Variants in PTGFRN observed in about 807,000 individuals in gnomAD.
The protein encoded by PTGFRN is prostaglandin F2 receptor inhibitor, also known as prostaglandin F2 receptor negative regulator.
A neutral mutation model predicts 83.2 loss-of-function variants in PTGFRN; 35 were observed. The ratio of observed to expected loss-of-function variants is 0.42; its 90% CI spans 0.32 to 0.56. PTGFRN has a LOEUF of 0.56. Ranked by LOEUF, PTGFRN falls within the 20% of genes least tolerant of loss-of-function variation. The pLI is 0.11. For synonymous variants in PTGFRN, 519 were observed against 498.6 expected (o/e 1.04, Z -0.55); for missense variants, 1,051 against 1,179.5 (o/e 0.89, Z 1.60).
intron 1 of PTGFRN, among the ~76,000 whole-genome samples, chr1:116,917,188 A>G (rs1649425734): frequency 6.6e-6 from 1 of 152,134 alleles, no homozygotes; most frequent in Non-Finnish European, 1.5e-5. Context: ...GAACTTGAGA[A>G]GTGGGTGGGG....
chr1:116,939,330 C>T (rs1650005778), intron 1 of PTGFRN, among the ~76,000 whole-genome samples: 1 of 152,244 alleles, frequency 6.6e-6, no homozygotes, highest in Non-Finnish European at 1.5e-5. Flanking sequence ...TGTTTCCATA[C>T]ATCTGAAATA....
intron 1 of PTGFRN, among the ~76,000 whole-genome samples, chr1:116,920,072 A>G (rs567974766): frequency 3.9e-5 from 6 of 152,316 alleles, no homozygotes; most frequent in African/African-American, 9.6e-5. Flanking sequence ...AGCACTCCTT[A>G]TAATCCTGCA....
chr1:116,963,751 G>C (rs945760140), intron 5 of PTGFRN, among the ~76,000 whole-genome samples: 11 of 151,748 alleles, frequency 7.2e-5, no homozygotes, highest in African/African-American at 2.4e-4. Flanking sequence ...GGGACTGCGG[G>C]TGCTCACCAC....
At chr1:116,985,032 TTG>T in intron 8 of PTGFRN, 47 bp downstream of exon 8, 2 of 1,573,600 alleles carry the variant, frequency 1.3e-6, no homozygotes, top group African/African-American at 2.7e-5. Flanking sequence ...TGTCTTCTTC[TTG>T]TGCCAGGCTG....
At position 116,987,046 on chromosome 1, in the gene PTGFRN, A is replaced by C; in HGVS notation, c.*79A>C. The C allele has an allele frequency of 6.5e-7, 1 of 1,549,012 alleles. No individual in the cohort carries two copies. Among genetic ancestry groups the C allele is most frequent in the Non-Finnish European group, 8.8e-7 (1 of 1,135,166 alleles). On this transcript the variant is annotated 3_prime_UTR_variant, in exon 9 of 9. Coordinates refer to ENST00000393203, the MANE Select transcript of PTGFRN (RefSeq NM_020440.4). ...AAGAGGACAGTGATATTTTAAAACA[A>C]AGTGTGTTACACTAAAAACCAGTCC...
intron 7 of PTGFRN, among the ~76,000 whole-genome samples, chr1:116,975,506 G>C (rs1651120255): frequency 6.6e-6 from 1 of 152,160 alleles, no homozygotes; most frequent in South Asian, 2.1e-4. Flanking sequence ...CACATGGCCG[G>C]GTACCCCTCT....
At chr1:116,934,458 CT>C (rs1649871522) in intron 1 of PTGFRN, among the ~76,000 whole-genome samples, 1 of 152,130 alleles carries the variant, frequency 6.6e-6, no homozygotes, top group Admixed American at 6.5e-5. Context: ...CTGACTTCTT[CT>C]GTGCTGCATC....
intron 5 of PTGFRN, among the ~76,000 whole-genome samples, chr1:116,966,496 GCAAATGGTATGGC>G (rs1557745870): frequency 6.6e-6 from 1 of 152,228 alleles, no homozygotes; most frequent in African/African-American, 2.4e-5. Flanking sequence ...GGGAGGAGAG[GCAAATGGTATGGC>G]CAGGAGCCTG....
chr1:116,983,968 C>G (rs980010188), intron 7 of PTGFRN, among the ~76,000 whole-genome samples: 3 of 152,158 alleles, frequency 2.0e-5, no homozygotes, highest in Non-Finnish European at 1.5e-5. Context: ...TCTTCTTTCT[C>G]TTATGCCCAT....
At position 116,944,762 on chromosome 1, in the gene PTGFRN, C is replaced by T. The variant is rs752605918; in HGVS notation, c.502C>T (p.Arg168Cys). 1.9e-6 allele frequency: 3 copies of T among 1,551,300 alleles called. No individual in the cohort carries two copies. The highest frequency in any genetic ancestry group is 2.4e-5 in the South Asian group (2 of 83,546). ...SLREGEPFELRCTAASASPLH... is the reference protein window; with the variant it reads ...SLREGEPFELCCTAASASPLH... ...GCGGGAGGGGGAGCCCTTCGAGCTG[C>T]GCTGCACCGCCGCCTCCGCCTCGCC... Residue 168 changes from arginine (R) to cysteine (C), a missense_variant, in exon 3 of 9, where the codon CGC becomes TGC. By Grantham distance (180) the Arg-to-Cys change is radical. Around this residue, in one of 3 missense-constraint regions of PTGFRN, gnomAD observed 205 missense variants for 174.5 expected, o/e 1.17. Transcript: ENST00000393203.
chr1:116,932,172 A>G (rs1649817976), intron 1 of PTGFRN, among the ~76,000 whole-genome samples: 1 of 152,254 alleles, frequency 6.6e-6, no homozygotes, highest in South Asian at 2.1e-4. Context: ...TTTCCCATGG[A>G]TATCAGAAGG....
chr1:116,951,878 A>G (rs1244027000), intron 4 of PTGFRN, among the ~76,000 whole-genome samples: 1 of 152,200 alleles, frequency 6.6e-6, no homozygotes, highest in Non-Finnish European at 1.5e-5. Flanking sequence ...GTATATGCGT[A>G]CGGATACCAT....
chr1:116,970,568 T>A (rs1346407211), intron 6 of PTGFRN, among the ~76,000 whole-genome samples: 1 of 152,232 alleles, frequency 6.6e-6, no homozygotes, highest in African/African-American at 2.4e-5. Context: ...TTGAGTCTAT[T>A]CCTCAGTTCT....
intron 1 of PTGFRN, among the ~76,000 whole-genome samples, chr1:116,931,387 C>T (rs1649798497): frequency 1.3e-5 from 2 of 152,136 alleles, no homozygotes; most frequent in Admixed American, 6.5e-5. Flanking sequence ...CTTTCACTCT[C>T]ACTTATCACC....
intron 1 of PTGFRN, among the ~76,000 whole-genome samples, chr1:116,913,834 C>T (rs1162592904): frequency 6.6e-6 from 1 of 152,182 alleles, no homozygotes; most frequent in Non-Finnish European, 1.5e-5. Flanking sequence ...AGGATAAACC[C>T]TCAACTAGTG....
chr1:116,981,623 T>G (rs545288529), intron 7 of PTGFRN, among the ~76,000 whole-genome samples: 6 of 152,306 alleles, frequency 3.9e-5, no homozygotes, highest in African/African-American at 1.2e-4. Context: ...GGACTCCCAG[T>G]TGAATGTTCA....
At chr1:116,944,270 G>A (rs1473120307) in intron 2 of PTGFRN, among the ~76,000 whole-genome samples, 1 of 152,206 alleles carries the variant, frequency 6.6e-6, no homozygotes, top group Non-Finnish European at 1.5e-5. Flanking sequence ...TATCATGACA[G>A]CTGAGTGCCA....
In PTGFRN at chr1:116,974,214, A is replaced by G; in HGVS notation, c.2060-2A>G. ...ATGAGGCTGGCATTACTTTTTTTCC[A>G]GGTCCTATATTTAATGCTTCTGTGC... On this transcript the variant is annotated splice_acceptor_variant, in intron 6 of 8. Transcript: ENST00000393203. LOFTEE classifies it high-confidence loss of function. 2 of 1,591,062 alleles carry G rather than the reference A, an allele frequency of 1.3e-6. No homozygotes were observed. Among genetic ancestry groups the G allele is most frequent in the Non-Finnish European group, 1.7e-6 (2 of 1,161,090 alleles).
Position 116,961,131 on chromosome 1 carries a change from G to C in PTGFRN, c.1214-112G>C. 1 of 1,151,754 alleles carries C rather than the reference G, an allele frequency of 8.7e-7. No individual in the cohort carries two copies. The allele number at this position is 1,151,754 out of a possible 1,614,324, so 71.3% of individuals were successfully genotyped here. ...GATTTCTGTCTCTCTAGTCCGGCAG[G>C]AGAAGCATTTAATTGTTAAAACAAG... On this transcript the variant is annotated intron_variant, in intron 4 of 8. Coordinates refer to ENST00000393203, the MANE Select transcript of PTGFRN (RefSeq NM_020440.4). The surrounding 1 kb of genome is among the most constrained non-coding windows in gnomAD (Gnocchi z 5.4).
Sources: allele counts gnomAD v4.1 joint callset (sites outside exome capture counted in the v4.1 genomes callset), GRCh38; gene constraint gnomAD v4.1.1; regional missense constraint gnomAD v4.1.1; non-coding constraint Gnocchi (gnomAD v3.1); transcripts MANE v1.5; gene names NCBI Gene and HGNC (gene_info 2026-07-23, HGNC 2026-07-21).